Variants in ANKRD30BL observed in about 807,000 individuals in gnomAD.
ANKRD30BL encodes the protein putative ankyrin repeat domain-containing protein 30B-like.
A neutral mutation model predicts 18.4 loss-of-function variants in ANKRD30BL; 20 were observed. The observed-to-expected ratio is 1.09, with a 90% confidence interval of 0.77 to 1.58. ANKRD30BL has a LOEUF of 1.58. ANKRD30BL is among the 40% of genes most tolerant of loss of function. The pLI, the probability that ANKRD30BL is intolerant of heterozygous loss-of-function variation, is 0.00. For missense variants in ANKRD30BL, 224 were observed against 268.6 expected, an observed-to-expected ratio of 0.83 and a Z score of 1.16; for synonymous variants, 72 against 100.9, an observed-to-expected ratio of 0.71 and a Z score of 1.72.
intron 1 of ANKRD30BL, among the ~76,000 whole-genome samples, chr2:132,221,600 A>T (rs1215288789): frequency 7.0e-5 from 5 of 70,998 alleles, no homozygotes; most frequent in East Asian, 4.8e-4. Flanking sequence ...AGGTGGGGGG[A>T]TCAGCCCCCC....
Position 132,246,371 on chromosome 2 carries a change from C to A in ANKRD30BL, n.441+11158G>T, listed in dbSNP as rs1381018831. On this transcript the variant is annotated intron_variant and non_coding_transcript_variant, in intron 1 of 4. Transcript: ENST00000470729. ...TGTGTACTCAACTCACAGAGTTGAA[C>A]TTTTCTTTTGATGAGCAGTTTTGAG... Among the ~76,000 whole-genome samples the A allele has an allele frequency of 4.6e-5, 7 of 151,734 alleles. No homozygotes were observed. In the Admixed American group the frequency reaches 4.6e-4, roughly 10 times the overall value.
At chr2:132,211,735 T>A (rs1307468296) in intron 1 of ANKRD30BL, among the ~76,000 whole-genome samples, 1 of 151,736 alleles carries the variant, frequency 6.6e-6, no homozygotes, top group Non-Finnish European at 1.5e-5. Context: ...AAAGGAAATA[T>A]CTTCACATAA....
chr2:132,148,311 C>T (rs1687663364), intron 5 of ANKRD30BL, 83 bp from the exon 6 acceptor site: 7 of 908,478 alleles, frequency 7.7e-6, no homozygotes, highest in African/African-American at 1.7e-5. Flanking sequence ...TCTACTCATT[C>T]AGCTTGCTTT....
intron 5 of ANKRD30BL, among the ~76,000 whole-genome samples, 170 bp from the exon 6 acceptor site, chr2:132,148,398 G>A (rs1295370362): frequency 2.9e-5 from 3 of 105,198 alleles, no homozygotes; most frequent in African/African-American, 3.8e-5. Flanking sequence ...CAAGAGCCTC[G>A]CTCTGTTGCC....
intron 1 of ANKRD30BL, among the ~76,000 whole-genome samples, chr2:132,212,307 A>G (rs909941415): frequency 1.3e-5 from 2 of 151,866 alleles, no homozygotes; most frequent in South Asian, 2.1e-4. Context: ...TTTTCCTATT[A>G]TAATTAGACA....
chr2:132,173,511 A>T (rs1688316019), intron 1 of ANKRD30BL, among the ~76,000 whole-genome samples: 1 of 151,162 alleles, frequency 6.6e-6, no homozygotes. Context: ...GTTAGTCAGG[A>T]TGGTCTCGAT....
At chr2:132,244,936 T>C (rs879237805) in intron 1 of ANKRD30BL, among the ~76,000 whole-genome samples, 1 of 152,142 alleles carries the variant, frequency 6.6e-6, no homozygotes, top group African/African-American at 2.4e-5. Flanking sequence ...TATCTTCCCA[T>C]AAAAACTACA....
chr2:132,230,549 T>C (rs1161997610), intron 1 of ANKRD30BL, among the ~76,000 whole-genome samples: 5 of 151,968 alleles, frequency 3.3e-5, no homozygotes, highest in Admixed American at 6.6e-5. Flanking sequence ...GAGTTGAACA[T>C]AGCTTTTCAT....
chr2:132,234,235 A>G (rs1212254421), intron 1 of ANKRD30BL, among the ~76,000 whole-genome samples: 3 of 152,254 alleles, frequency 2.0e-5, no homozygotes, highest in African/African-American at 4.8e-5. Context: ...GAGAAAGAAG[A>G]AAAGATAAAA....
intron 1 of ANKRD30BL, among the ~76,000 whole-genome samples, chr2:132,204,839 G>C (rs1386334180): frequency 2.6e-5 from 4 of 152,160 alleles, no homozygotes; most frequent in Admixed American, 6.6e-5. Context: ...TGTGTTTATG[G>C]CTATGTCAAA....
At chr2:132,184,753 G>C (rs1470809353) in intron 1 of ANKRD30BL, among the ~76,000 whole-genome samples, 1 of 151,308 alleles carries the variant, frequency 6.6e-6, no homozygotes, top group Non-Finnish European at 1.5e-5. Context: ...CAAAATTCAG[G>C]GATTCCCCCC....
At chr2:132,229,511 C>T (rs1199213679) in intron 1 of ANKRD30BL, among the ~76,000 whole-genome samples, 1 of 152,160 alleles carries the variant, frequency 6.6e-6, no homozygotes, top group Non-Finnish European at 1.5e-5. Context: ...GCATTCAACT[C>T]ATAGAGTTGA....
In ANKRD30BL at chr2:132,177,844, G is replaced by A. The variant is rs186773706; in HGVS notation, n.442-20698C>T. 7.9e-3 allele frequency among the ~76,000 whole-genome samples: 1,201 copies of A among 152,122 alleles called. 8 individuals are homozygous for A. Among genetic ancestry groups the A allele is most frequent in the Non-Finnish European group, 0.013 (855 of 67,982 alleles). On this transcript the variant is annotated intron_variant and non_coding_transcript_variant, in intron 1 of 4. Coordinates refer to the ANKRD30BL transcript ENST00000470729. ...AATGACAATATTGACATTAAAATTT[G>A]CATTGTTTGCCTCTGGCTTTCATGG...
intron 4 of ANKRD30BL, chr2:132,152,121 C>T (rs1478362223): frequency 2.6e-5 from 4 of 152,164 alleles, no homozygotes; most frequent in Admixed American, 6.5e-5. Context: ...GATGACCTTA[C>T]GTAAATAATT....
rs199876039 is a variant in ANKRD30BL, at chr2:132,196,141, C to CAA, written n.442-38997_442-38996dup. Among the ~76,000 whole-genome samples the CAA allele has an allele frequency of 8.9e-3, 780 of 87,450 alleles. 6 individuals carry two copies. Among genetic ancestry groups the CAA allele is most frequent in the African/African-American group, 0.027 (704 of 25,816 alleles). The allele number at this position is 87,450 out of a possible 152,430, so 57.4% of individuals were successfully genotyped here. On this transcript the variant is annotated intron_variant and non_coding_transcript_variant, in intron 1 of 4. Coordinates refer to the ANKRD30BL transcript ENST00000470729. ...TGGGCGACAGAGCTAGAGTCCATCTCAAAAAAAAAAAAAAGAAAAAGAAAA... is the reference window on the plus strand; with the variant it reads ...TGGGCGACAGAGCTAGAGTCCATCTCAAAAAAAAAAAAAAAAGAAAAAGAAAA...
Position 132,218,512 on chromosome 2 carries a change from C to T in ANKRD30BL, n.441+39017G>A, listed in dbSNP as rs1341913528. On this transcript the variant is annotated intron_variant and non_coding_transcript_variant, in intron 1 of 4. Transcript: ENST00000470729. The stretch of plus-strand genomic sequence containing the variant: ...CTCAGAAACTTCTTTGTGATGTGTG[C>T]ATTCAACTCACAGAGTTGATAATTT... 2.0e-5 allele frequency among the ~76,000 whole-genome samples: 3 copies of T among 152,244 alleles called. No individual in the cohort carries two copies. The East Asian group carries it at 5.8e-4, about 29-fold the overall frequency.
At chr2:132,155,580 T>G (rs1471818217) in intron 3 of ANKRD30BL, 1 of 152,110 alleles carries the variant, frequency 6.6e-6, no homozygotes, top group African/African-American at 2.4e-5. Context: ...TACCAGACAA[T>G]AGGATTTTAT....
chr2:132,198,289 TTTC>T (rs1679009888), intron 1 of ANKRD30BL, among the ~76,000 whole-genome samples: 8 of 9,722 alleles, frequency 8.2e-4, no homozygotes, highest in African/African-American at 1.4e-3. Flanking sequence ...TCTTTCTTTC[TTTC>T]TTTCTTTCTT....
At chr2:132,238,648 GA>G (rs1413114596) in intron 1 of ANKRD30BL, among the ~76,000 whole-genome samples, 1 of 152,038 alleles carries the variant, frequency 6.6e-6, no homozygotes, top group Non-Finnish European at 1.5e-5. Context: ...AGCATTCTCA[GA>G]AACATCTTTC....
Sources: allele counts gnomAD v4.1 joint callset (sites outside exome capture counted in the v4.1 genomes callset), GRCh38; gene constraint gnomAD v4.1.1; transcripts MANE v1.5; gene names NCBI Gene and HGNC (gene_info 2026-07-23, HGNC 2026-07-21).